Variants in DENND5A observed in about 807,000 individuals in gnomAD.
The protein encoded by DENND5A is DENN domain containing 5A, also known as DENN domain-containing protein 5A.
DENND5A carries 64 observed loss-of-function variants against 140.3 expected under a neutral mutation model. The ratio of observed to expected loss-of-function variants is 0.46; its 90% CI spans 0.37 to 0.56. The LOEUF (loss-of-function observed/expected upper bound fraction) is 0.56. Among genes scored for constraint, DENND5A ranks in the 20% least tolerant of loss-of-function variants. The pLI is 0.00. For missense variants in DENND5A, 1,292 were observed against 1,593.8 expected, an observed-to-expected ratio of 0.81 and a Z score of 3.22; for synonymous variants, 605 against 607.7, an observed-to-expected ratio of 1.00 and a Z score of 0.07.
At chr11:9,259,204 G>A (rs1852083740) in intron 1 of DENND5A, among the ~76,000 whole-genome samples, 1 of 152,056 alleles carries the variant, frequency 6.6e-6, no homozygotes, top group Non-Finnish European at 1.5e-5. Flanking sequence ...AGGTTGCAGT[G>A]AGCTGAGGTC....
rs1326651131 is a variant in DENND5A, at chr11:9,170,815, C to T, written c.1907-38G>A. Reference sequence around the variant, plus strand: ...ACACACACACACACACACACACACACACATAAATACACACACAAATAAATC... The same window carrying T: ...ACACACACACACACACACACACACATACATAAATACACACACAAATAAATC... On this transcript the variant is annotated intron_variant, in intron 8 of 22. Coordinates refer to ENST00000328194, the MANE Select transcript of DENND5A (RefSeq NM_015213.4). The T allele has an allele frequency of 5.0e-6, 8 of 1,590,494 alleles. No individual in the cohort carries two copies. The African/African-American group carries it at 5.5e-5, about 11-fold the overall frequency.
At chr11:9,218,930 C>T (rs1212186679) in intron 1 of DENND5A, among the ~76,000 whole-genome samples, 1 of 151,992 alleles carries the variant, frequency 6.6e-6, no homozygotes, top group Non-Finnish European at 1.5e-5. Flanking sequence ...CGCTTGAACC[C>T]GGGAGGTGGA....
intron 4 of DENND5A, among the ~76,000 whole-genome samples, chr11:9,202,095 T>C (rs528318729): frequency 2.1e-4 from 32 of 152,308 alleles, no homozygotes; most frequent in African/African-American, 7.7e-4. Context: ...AAATTTATAA[T>C]CTGAATCTAA....
chr11:9,251,729 C>G (rs1451724377), intron 1 of DENND5A, among the ~76,000 whole-genome samples: 1 of 152,196 alleles, frequency 6.6e-6, no homozygotes, highest in Admixed American at 6.6e-5. Flanking sequence ...GTGGCTCACA[C>G]CTGTAATCCC....
chr11:9,207,123 C>T, intron 2 of DENND5A: 1 of 423,942 alleles, frequency 2.4e-6, no homozygotes, highest in South Asian at 2.2e-5. Flanking sequence ...CTGAAAGCCA[C>T]ATTTAATTTG....
At chr11:9,204,340 A>G (rs1849624908) in intron 3 of DENND5A, 23 bp from the exon 4 acceptor site, 1 of 1,596,306 alleles carries the variant, frequency 6.3e-7, no homozygotes, top group East Asian at 2.2e-5. Context: ...ACAAGGCAAC[A>G]AGCAGTGAGA....
At position 9,264,967 on chromosome 11, in the gene DENND5A, G is replaced by T; in HGVS notation, c.103C>A (p.Leu35Met). ...GGGCTCGGCGCGCACTCACCCGACA[G>T]CTCGTCCGGCTCCAGCCCGGTCTCC... ...DTETGLEPDE[L>M]SALCQYIQAS... The change falls in exon 1 of 23, where the codon CTG (leucine) becomes ATG (methionine). Residue 35 changes from leucine to methionine, a missense_variant. Around this residue, in one of 4 missense-constraint regions of DENND5A, gnomAD observed 566 missense variants for 650.4 expected, o/e 0.87. Transcript: ENST00000328194. 1 of 1,581,388 alleles carries T rather than the reference G, an allele frequency of 6.3e-7. No homozygotes were observed. The highest frequency in any genetic ancestry group is 1.1e-5 in the South Asian group (1 of 87,316).
chr11:9,171,011 T>C lies in DENND5A; in HGVS notation c.1907-234A>G, dbSNP rs1162529049. On this transcript the variant is annotated intron_variant, in intron 8 of 22. Transcript: ENST00000328194. The stretch of plus-strand genomic sequence containing the variant: ...GAAGGGCAGGACCCTGAGAAACAGG[T>C]AACAAATGAGGTAACCCCTAGAACT... 1.1e-5 allele frequency: 7 copies of C among 638,224 alleles called. No individual in the cohort carries two copies. The African/African-American group carries it at 1.3e-4, about 12-fold the overall frequency. The allele number at this position is 638,224 out of a possible 1,614,324, so 39.5% of individuals were successfully genotyped here.
intron 1 of DENND5A, among the ~76,000 whole-genome samples, chr11:9,233,283 C>T (rs1452500476): frequency 2.6e-5 from 4 of 151,514 alleles, no homozygotes; most frequent in African/African-American, 9.7e-5. Flanking sequence ...CCTGTAATCC[C>T]AGCTACTCAG....
intron 1 of DENND5A, among the ~76,000 whole-genome samples, chr11:9,245,092 G>C (rs1331990775): frequency 6.6e-6 from 1 of 151,388 alleles, no homozygotes. Context: ...ATACCATCTT[G>C]GCCAACATGC....
intron 5 of DENND5A, among the ~76,000 whole-genome samples, chr11:9,187,766 GC>G (rs530132350): frequency 2.5e-3 from 382 of 152,310 alleles, no homozygotes; most frequent in Admixed American, 6.6e-3. Flanking sequence ...CCAAAGAGAA[GC>G]CTAAGACAAA....
Position 9,193,691 on chromosome 11 carries a change from C to T in DENND5A, c.950-10G>A, listed in dbSNP as rs1457611240. 1 of 1,590,304 alleles carries T rather than the reference C, an allele frequency of 6.3e-7. No individual in the cohort carries two copies. The highest frequency in any genetic ancestry group is 1.4e-5 in the African/African-American group (1 of 73,434). Reference sequence around the variant, plus strand: ...ATCAGTCTCTGGTAATCTGGGTCAACAACAACAAAAAAAGCACACACACAA... The same window carrying T: ...ATCAGTCTCTGGTAATCTGGGTCAATAACAACAAAAAAAGCACACACACAA... On this transcript the variant is annotated splice_polypyrimidine_tract_variant and intron_variant, in intron 4 of 22. Transcript: ENST00000328194.
At chr11:9,240,982 T>G in intron 1 of DENND5A, among the ~76,000 whole-genome samples, 1 of 152,200 alleles carries the variant, frequency 6.6e-6, no homozygotes, top group East Asian at 1.9e-4. Context: ...TTCATGTGAA[T>G]AGTTGTCTTG....
intron 1 of DENND5A, among the ~76,000 whole-genome samples, chr11:9,244,166 A>G (rs1319464429): frequency 6.6e-6 from 1 of 152,114 alleles, no homozygotes; most frequent in Non-Finnish European, 1.5e-5. Context: ...CTCAGAGTTC[A>G]GCAAAACTGG....
At chr11:9,203,072 C>T (rs1849576343) in intron 4 of DENND5A, among the ~76,000 whole-genome samples, 1 of 152,166 alleles carries the variant, frequency 6.6e-6, no homozygotes, top group Non-Finnish European at 1.5e-5. Flanking sequence ...ACACATAGTG[C>T]ACTCTCAGTA....
chr11:9,207,698 T>C (rs1849739917), intron 1 of DENND5A, 66 bp from the exon 2 acceptor site: 6 of 1,119,616 alleles, frequency 5.4e-6, no homozygotes, highest in Non-Finnish European at 8.1e-6. Flanking sequence ...TTTTGACCAT[T>C]ATTCCAGTAC....
At chr11:9,191,690 A>C (rs1310801127) in intron 5 of DENND5A, among the ~76,000 whole-genome samples, 1 of 152,232 alleles carries the variant, frequency 6.6e-6, no homozygotes, top group Non-Finnish European at 1.5e-5. Context: ...ATTTGCCCCA[A>C]GTATAAAGAA....
intron 1 of DENND5A, among the ~76,000 whole-genome samples, chr11:9,263,019 G>A (rs1246996460): frequency 6.6e-6 from 1 of 151,708 alleles, no homozygotes; most frequent in Admixed American, 6.6e-5. Context: ...GGGATTACAG[G>A]CGTGAGCCAC....
At chr11:9,164,622 T>C (rs1360052343) in intron 11 of DENND5A, among the ~76,000 whole-genome samples, 2 of 152,294 alleles carry the variant, frequency 1.3e-5, no homozygotes, top group Non-Finnish European at 1.5e-5. Flanking sequence ...AGAATGAATG[T>C]CTTTGTAGAA....
Sources: allele counts gnomAD v4.1 joint callset (sites outside exome capture counted in the v4.1 genomes callset), GRCh38; gene constraint gnomAD v4.1.1; regional missense constraint gnomAD v4.1.1; transcripts MANE v1.5; gene names NCBI Gene and HGNC (gene_info 2026-07-23, HGNC 2026-07-21).